TTC6: variants seen among roughly 807,000 people sequenced by gnomAD.
The protein encoded by TTC6 is tetratricopeptide repeat protein 6.
A neutral mutation model predicts 210.4 loss-of-function variants in TTC6; 172 were observed. The ratio of observed to expected loss-of-function variants is 0.82; its 90% confidence interval spans 0.72 to 0.93. The LOEUF (loss-of-function observed/expected upper bound fraction) is 0.93. Ranked by LOEUF, TTC6 falls within the 40% of genes least tolerant of loss-of-function variation. The pLI, the probability that TTC6 is intolerant of heterozygous loss-of-function variation, is 0.00. For synonymous variants in TTC6, 804 were observed against 819.6 expected, an observed-to-expected ratio of 0.98 and a Z score of 0.32; for missense variants, 2,414 against 2,318.1, an observed-to-expected ratio of 1.04 and a Z score of -0.85.
At chr14:37,635,055 CA>C (rs2095677529) in intron 1 of TTC6, among the ~76,000 whole-genome samples, 1 of 152,136 alleles carries the variant, frequency 6.6e-6, no homozygotes, top group African/African-American at 2.4e-5. Context: ...ACTATGGCTA[CA>C]TACAATAGAT....
chr14:37,632,488 C>T (rs529688755), intron 1 of TTC6, among the ~76,000 whole-genome samples: 95 of 152,338 alleles, frequency 6.2e-4, no homozygotes, highest in Middle Eastern at 6.8e-3. Context: ...CTTCCTCTGG[C>T]AGCTTTGTCT....
intron 14 of TTC6, among the ~76,000 whole-genome samples, chr14:37,768,094 A>G (rs1030870511): frequency 1.3e-5 from 2 of 151,242 alleles, no homozygotes; most frequent in African/African-American, 2.4e-5. Flanking sequence ...CAGGTTTGTC[A>G]AAGATGAGAT....
intron 26 of TTC6, among the ~76,000 whole-genome samples, chr14:37,818,706 T>G (rs988743263): frequency 1.3e-5 from 2 of 152,264 alleles, no homozygotes; most frequent in East Asian, 3.9e-4. Flanking sequence ...AAGGTGTCTT[T>G]GTGTTAAAAG....
chr14:37,623,723 C>T (rs544918203), intron 1 of TTC6, among the ~76,000 whole-genome samples: 1 of 152,302 alleles, frequency 6.6e-6, no homozygotes, highest in Admixed American at 6.5e-5. Flanking sequence ...TGGGATTCCA[C>T]CCCAGGCAGT....
intron 14 of TTC6, among the ~76,000 whole-genome samples, chr14:37,784,537 C>G (rs1379837104): frequency 6.6e-6 from 1 of 152,092 alleles, no homozygotes; most frequent in East Asian, 1.9e-4. Flanking sequence ...GATGGGTCTC[C>G]TGAACACAGC....
intron 29 of TTC6, 117 bp from the exon 32 acceptor site, chr14:37,841,328 T>C: frequency 1.2e-6 from 1 of 839,064 alleles, no homozygotes; most frequent in Non-Finnish European, 1.8e-6. Flanking sequence ...GATGAAATGC[T>C]TCTGTTGACC....
intron 1 of TTC6, among the ~76,000 whole-genome samples, chr14:37,639,311 A>G (rs551961220): frequency 6.6e-6 from 1 of 152,320 alleles, no homozygotes; most frequent in Non-Finnish European, 1.5e-5. Context: ...TACAATTGGA[A>G]GGGACTCATT....
At chr14:37,663,852 A>G (rs543693471) in intron 1 of TTC6, among the ~76,000 whole-genome samples, 30 of 152,180 alleles carry the variant, frequency 2.0e-4, no homozygotes, top group Non-Finnish European at 3.7e-4. Context: ...ATTCTTGTAC[A>G]CCAACAACAG....
chr14:37,807,022 G>A (rs1409890518), intron 22 of TTC6, among the ~76,000 whole-genome samples: 1 of 152,062 alleles, frequency 6.6e-6, no homozygotes, highest in African/African-American at 2.4e-5. Context: ...ATGCATACTG[G>A]AGGACTTGGG....
chr14:37,651,426 T>TATATATATATATATA (rs1491101068), intron 1 of TTC6, among the ~76,000 whole-genome samples: 1 of 15,138 alleles, frequency 6.6e-5, no homozygotes, highest in African/African-American at 3.3e-4. Flanking sequence ...TATATATATA[T>TATATATATATATATA]TTTTTTTTTT....
intron 1 of TTC6, among the ~76,000 whole-genome samples, chr14:37,599,987 C>T (rs1980674): frequency 0.015 from 2,257 of 152,308 alleles, 21 homozygotes; most frequent in South Asian, 0.022. Flanking sequence ...AGCCGATCCC[C>T]CTCCTGGGGA....
At chr14:37,804,541 C>A in intron 20 of TTC6, 139 bp from the exon 23 acceptor site, 1 of 1,143,468 alleles carries the variant, frequency 8.7e-7, no homozygotes, top group Non-Finnish European at 1.2e-6. Context: ...CCTGTAACTT[C>A]ACCAGGTCTG....
intron 1 of TTC6, among the ~76,000 whole-genome samples, chr14:37,661,177 G>A (rs1393440554): frequency 6.6e-6 from 1 of 152,092 alleles, no homozygotes; most frequent in Non-Finnish European, 1.5e-5. Flanking sequence ...CTGTGCATAA[G>A]CTCTTTAGTT....
chr14:37,821,394 A>G (rs1305630467), intron 26 of TTC6, among the ~76,000 whole-genome samples: 1 of 152,090 alleles, frequency 6.6e-6, no homozygotes, highest in East Asian at 1.9e-4. Context: ...AAATAGTGCC[A>G]ATTATCAGGA....
exon 6 of TTC6, chr14:37,714,694 A>G (rs907050345): frequency 2.6e-6 from 4 of 1,535,644 alleles, no homozygotes; most frequent in Non-Finnish European, 3.5e-6. Context: ...ACAACCAAGA[A>G]TATGTCCATA....
intron 2 of TTC6, among the ~76,000 whole-genome samples, 188 bp from the exon 5 acceptor site, chr14:37,682,570 C>T (rs560335706): frequency 1.6e-4 from 24 of 152,168 alleles, no homozygotes; most frequent in Non-Finnish European, 1.9e-4. Flanking sequence ...AATTTGCCAG[C>T]CTTGACATTT....
At chr14:37,636,751 A>G (rs1174468256) in intron 1 of TTC6, among the ~76,000 whole-genome samples, 13 of 152,238 alleles carry the variant, frequency 8.5e-5, no homozygotes. Context: ...TTGAAAGAAA[A>G]TTACATTTAA....
chr14:37,703,864 T>A (rs1169817777), intron 5 of TTC6, among the ~76,000 whole-genome samples: 1 of 152,158 alleles, frequency 6.6e-6, no homozygotes, highest in Non-Finnish European at 1.5e-5. Flanking sequence ...AGACATTTAG[T>A]TCAAATTTTT....
rs555569720 is a variant in TTC6 at position 37,826,179 on chromosome 14, TGGAAAATTATTTTAGGCCCAA to T, written c.4975-7_4988del. On this transcript the variant is annotated splice_acceptor_variant and splice_polypyrimidine_tract_variant and coding_sequence_variant and intron_variant, in exon 28 of 31. Transcript: ENST00000553443. LOFTEE classifies it high-confidence loss of function. ...TGGAGTATTTCCTACTTCGTGTAAT[TGGAAAATTATTTTAGGCCCAA>T]GGAAAATTCCAGAAAGCTTGGAACC... The T allele has an allele frequency of 5.2e-3, 8,197 of 1,586,596 alleles. 33 individuals carry two copies. Among genetic ancestry groups the T allele is most frequent in the Middle Eastern group, 7.5e-3 (44 of 5,868 alleles).
Sources: gnomAD v4.1 joint callset for allele counts (sites outside exome capture counted in the v4.1 genomes callset) on GRCh38, gnomAD v4.1.1 for gene constraint, MANE v1.5 for transcripts, NCBI Gene and HGNC (gene_info 2026-07-23, HGNC 2026-07-21) for gene names.